The following CDK8 variants were observed in gnomAD, a reference collection of about 807,000 sequenced individuals.
The protein encoded by CDK8 is cyclin dependent kinase 8.
CDK8 carries 29 observed loss-of-function variants against 71.5 expected under a neutral mutation model. The ratio of observed to expected loss-of-function variants is 0.41; its 90% CI spans 0.30 to 0.55. CDK8 has a LOEUF of 0.55. Among genes scored for constraint, CDK8 ranks in the 20% least tolerant of loss-of-function variants. The pLI is 0.37. For synonymous variants in CDK8, 161 were observed against 192.1 expected, an observed-to-expected ratio of 0.84 and a Z score of 1.34; for missense variants, 288 against 572.6, an observed-to-expected ratio of 0.50 and a Z score of 5.07.
At chr13:26,391,691 G>A (rs1028355869) in intron 6 of CDK8, among the ~76,000 whole-genome samples, 2 of 152,102 alleles carry the variant, frequency 1.3e-5, no homozygotes, top group Non-Finnish European at 2.9e-5. Flanking sequence ...TATACCTTTC[G>A]ATGACAAAAA....
intron 6 of CDK8, among the ~76,000 whole-genome samples, chr13:26,389,308 T>G (rs1593307527): frequency 6.6e-6 from 1 of 152,116 alleles, no homozygotes; most frequent in East Asian, 1.9e-4. Context: ...TACAGGCTTG[T>G]GCCACCACAC....
At position 26,281,797 on chromosome 13, in the gene CDK8, A is replaced by G. The variant is rs1429324709; in HGVS notation, c.128+27028A>G. Among the ~76,000 whole-genome samples the G allele has an allele frequency of 2.0e-5, 3 of 152,174 alleles. No individual in the cohort carries two copies. The East Asian group carries it at 5.8e-4, about 29-fold the overall frequency. On this transcript the variant is annotated intron_variant, in intron 1 of 12. Coordinates refer to ENST00000381527, the MANE Select transcript of CDK8 (RefSeq NM_001260.3). The stretch of plus-strand genomic sequence containing the variant: ...GAAGATATTTACTCCAGAGAAGTAA[A>G]TATCGTAGAGATAATGTTTATTCTA...
rs983659322 is a variant in CDK8 at position 26,333,367 on chromosome 13, G to A, written c.129-4200G>A. On this transcript the variant is annotated intron_variant, in intron 1 of 12. Coordinates refer to ENST00000381527, the MANE Select transcript of CDK8 (RefSeq NM_001260.3). Reference sequence around the variant, plus strand: ...GCTGTCTAGGCTGGCCTTGAACTCCGGACCTCAGGTGATCTGCCTGCCTTG... The same window carrying A: ...GCTGTCTAGGCTGGCCTTGAACTCCAGACCTCAGGTGATCTGCCTGCCTTG... 3.8e-4 allele frequency among the ~76,000 whole-genome samples: 58 copies of A among 151,966 alleles called. 1 individual carries two copies. The highest frequency in any genetic ancestry group is 4.3e-4 in the Non-Finnish European group (29 of 67,974).
intron 4 of CDK8, among the ~76,000 whole-genome samples, chr13:26,373,095 A>T (rs576045559): frequency 4.6e-5 from 7 of 152,162 alleles, no homozygotes; most frequent in Non-Finnish European, 8.8e-5. Flanking sequence ...CCACATACGT[A>T]AGTAACCCTT....
intron 4 of CDK8, among the ~76,000 whole-genome samples, chr13:26,381,544 A>G (rs942371021): frequency 5.9e-5 from 9 of 152,142 alleles, no homozygotes; most frequent in Admixed American, 2.0e-4. Context: ...TATTAATTCC[A>G]AAAACTGCTG....
chr13:26,401,713 C>A lies in CDK8; in HGVS notation c.1269+89C>A. The stretch of plus-strand genomic sequence containing the variant: ...GAAAATGTGATTTAATTGAGAAATA[C>A]TGACGTCTGTATACCCAGGGAAATA... On this transcript the variant is annotated intron_variant, in intron 12 of 12. Transcript: ENST00000381527. This position sits in a 1 kb window ranked among gnomAD's most constrained non-coding sequence, Gnocchi z 4.5. 7.5e-7 allele frequency: 1 copy of A among 1,330,550 alleles called. No homozygotes were observed. Among genetic ancestry groups the A allele is most frequent in the Non-Finnish European group, 1.1e-6 (1 of 935,282 alleles). The allele number at this position is 1,330,550 out of a possible 1,614,324, so 82.4% of individuals were successfully genotyped here. A position where few individuals can be genotyped will look rare whatever the true frequency, so the allele number is the denominator to read the frequency against.
chr13:26,302,149 A>G (rs1168166148), intron 1 of CDK8, among the ~76,000 whole-genome samples: 1 of 152,224 alleles, frequency 6.6e-6, no homozygotes, highest in African/African-American at 2.4e-5. Flanking sequence ...TTAATCAAGG[A>G]CTATGCTATT....
chr13:26,339,903 A>G (rs2901064), intron 2 of CDK8, among the ~76,000 whole-genome samples: 140,702 of 151,118 alleles, frequency 0.93, 65,535 homozygotes, highest in East Asian at 1. Flanking sequence ...TTCTGCTTTT[A>G]TTTCCTTTTT....
intron 9 of CDK8, among the ~76,000 whole-genome samples, chr13:26,398,604 G>T (rs980746230): frequency 2.6e-5 from 4 of 152,054 alleles, no homozygotes; most frequent in Non-Finnish European, 5.9e-5. Context: ...AAATAAAATT[G>T]TGCTTTCTCT....
intron 2 of CDK8, among the ~76,000 whole-genome samples, chr13:26,347,800 GT>G (rs1175882493): frequency 2.0e-5 from 3 of 152,204 alleles, no homozygotes. Context: ...AATAACCAGT[GT>G]TGGTGAGGAT....
At chr13:26,260,605 A>AT (rs1871730325) in intron 1 of CDK8, among the ~76,000 whole-genome samples, 2 of 152,140 alleles carry the variant, frequency 1.3e-5, no homozygotes, top group Non-Finnish European at 2.9e-5. Context: ...AAGTAATGGA[A>AT]TTTCTCTTGT....
intron 4 of CDK8, among the ~76,000 whole-genome samples, chr13:26,360,929 A>G (rs1289304846): frequency 6.7e-6 from 1 of 150,182 alleles, no homozygotes; most frequent in African/African-American, 2.5e-5. Flanking sequence ...CTTACTACTC[A>G]GAAGAACTCA....
intron 1 of CDK8, among the ~76,000 whole-genome samples, chr13:26,295,082 C>T (rs1873485838): frequency 6.6e-6 from 1 of 152,084 alleles, no homozygotes; most frequent in Non-Finnish European, 1.5e-5. Context: ...TGTGCATTGT[C>T]TCTGTTTCTT....
intron 1 of CDK8, among the ~76,000 whole-genome samples, chr13:26,306,339 T>C (rs773142916): frequency 3.3e-4 from 50 of 152,320 alleles, no homozygotes; most frequent in Non-Finnish European, 3.4e-4. Context: ...TAATAGTCTC[T>C]TTTGTGGGAA....
At chr13:26,362,056 G>T (rs893673482) in intron 4 of CDK8, among the ~76,000 whole-genome samples, 13 of 152,080 alleles carry the variant, frequency 8.5e-5, no homozygotes, top group African/African-American at 3.1e-4. Flanking sequence ...AAGTATTAAA[G>T]ACTTGGTTTT....
intron 1 of CDK8, among the ~76,000 whole-genome samples, chr13:26,266,130 CAGAA>C (rs1252816432): frequency 2.0e-5 from 3 of 152,084 alleles, no homozygotes; most frequent in Non-Finnish European, 4.4e-5. Context: ...ATAGCCAAAA[CAGAA>C]AGAGGAGCAA....
intron 1 of CDK8, among the ~76,000 whole-genome samples, chr13:26,309,715 C>T (rs1282430443): frequency 6.6e-6 from 1 of 152,124 alleles, no homozygotes; most frequent in Non-Finnish European, 1.5e-5. Context: ...CATTTACATC[C>T]CAGCCCAGAT....
chr13:26,359,967 C>T (rs181649233), intron 4 of CDK8, among the ~76,000 whole-genome samples: 10 of 152,262 alleles, frequency 6.6e-5, no homozygotes, highest in Admixed American at 2.6e-4. Context: ...CTGCCCACCT[C>T]GACCTCCCAA....
chr13:26,382,808 C>T lies in CDK8; in HGVS notation c.457-6C>T, dbSNP rs1241276034. Reference sequence around the variant, plus strand: ...ACTGAAAAAAAACACTATTTTGTTTCCACAGAAACCTGCTAATATTTTAGT... The same window carrying T: ...ACTGAAAAAAAACACTATTTTGTTTTCACAGAAACCTGCTAATATTTTAGT... On this transcript the variant is annotated splice_polypyrimidine_tract_variant and splice_region_variant and intron_variant, in intron 4 of 12. Transcript: ENST00000381527. The T allele has an allele frequency of 1.9e-6, 3 of 1,585,004 alleles. No individual in the cohort carries two copies. The highest frequency in any genetic ancestry group is 2.6e-6 in the Non-Finnish European group (3 of 1,165,582).
Sources: allele counts gnomAD v4.1 joint callset (sites outside exome capture counted in the v4.1 genomes callset), GRCh38; gene constraint gnomAD v4.1.1; non-coding constraint Gnocchi (gnomAD v3.1); transcripts MANE v1.5; gene names NCBI Gene and HGNC (gene_info 2026-07-23, HGNC 2026-07-21).